The following COPG2 variants were observed in gnomAD, a reference collection of about 807,000 sequenced individuals.
The protein encoded by COPG2 is coatomer subunit gamma-2.
COPG2 carries 37 observed loss-of-function variants against 46.3 expected under a neutral mutation model. The ratio of observed to expected loss-of-function variants is 0.80; its 90% CI spans 0.61 to 1.05. The LOEUF (loss-of-function observed/expected upper bound fraction) is 1.05. Ranked by LOEUF, COPG2 falls within the 50% of genes least tolerant of loss-of-function variation. The pLI, the probability that COPG2 is intolerant of heterozygous loss-of-function variation, is 0.00. For synonymous variants in COPG2, 159 were observed against 129.7 expected, an observed-to-expected ratio of 1.23 and a Z score of -1.53; for missense variants, 427 against 387.8, an observed-to-expected ratio of 1.10 and a Z score of -0.85.
At chr7:130,606,542 T>C (rs1223089348) in intron 9 of COPG2, among the ~76,000 whole-genome samples, 1 of 152,204 alleles carries the variant, frequency 6.6e-6, no homozygotes, top group East Asian at 1.9e-4. Context: ...CTTAGTGAAT[T>C]TGTGCCCTGT....
At chr7:130,657,693 A>C (rs1795883703) in intron 4 of COPG2, among the ~76,000 whole-genome samples, 1 of 152,222 alleles carries the variant, frequency 6.6e-6, no homozygotes, top group African/African-American at 2.4e-5. Flanking sequence ...TAATAAGAAA[A>C]TAAACAATCC....
intron 5 of COPG2, among the ~76,000 whole-genome samples, chr7:130,636,877 T>C (rs959299771): frequency 1.1e-4 from 16 of 152,196 alleles, no homozygotes; most frequent in African/African-American, 3.4e-4. Context: ...TTCCTTTCCA[T>C]ATTTAGTGCT....
intron 9 of COPG2, among the ~76,000 whole-genome samples, chr7:130,585,049 T>C (rs1243830180): frequency 1.3e-5 from 2 of 151,894 alleles, no homozygotes; most frequent in South Asian, 4.2e-4. Flanking sequence ...AGGCATCACA[T>C]TACCTGATTT....
intron 4 of COPG2, among the ~76,000 whole-genome samples, chr7:130,661,435 C>A (rs1191707015): frequency 1.3e-5 from 2 of 152,334 alleles, no homozygotes; most frequent in East Asian, 3.9e-4. Context: ...GCCTAGTTTT[C>A]TAGTCTAATT....
intron 9 of COPG2, among the ~76,000 whole-genome samples, chr7:130,578,524 A>G (rs1240809376): frequency 1.4e-4 from 21 of 151,384 alleles, no homozygotes; most frequent in African/African-American, 4.3e-4. Context: ...CTGAGAGAAG[A>G]AGGCTTCAGA....
At chr7:130,566,198 T>C (rs1046468032) in intron 9 of COPG2, among the ~76,000 whole-genome samples, 83 of 152,290 alleles carry the variant, frequency 5.5e-4, no homozygotes, top group South Asian at 1.5e-3. Context: ...TGGTGTGAAA[T>C]TGTATCTCAT....
At chr7:130,574,675 C>T (rs1237103361) in intron 9 of COPG2, among the ~76,000 whole-genome samples, 1 of 152,030 alleles carries the variant, frequency 6.6e-6, no homozygotes, top group African/African-American at 2.4e-5. Context: ...CACTAGTTCA[C>T]CAGCAATGGA....
chr7:130,583,402 C>G (rs1290459047), intron 9 of COPG2, among the ~76,000 whole-genome samples: 1 of 144,194 alleles, frequency 6.9e-6, no homozygotes, highest in Non-Finnish European at 1.5e-5. Flanking sequence ...TGCTAGATGA[C>G]GAGTTAGTGG....
At chr7:130,527,459 TG>T (rs1355705901) in intron 20 of COPG2, among the ~76,000 whole-genome samples, 1 of 80,342 alleles carries the variant, frequency 1.2e-5, no homozygotes, top group Admixed American at 1.8e-4. Flanking sequence ...TTATCTGGGG[TG>T]GGGGGTGGGT....
Position 130,508,543 on chromosome 7 carries a change from C to T in COPG2, c.2247+19G>A, listed in dbSNP as rs1563031913. 1 of 763,232 alleles carries T rather than the reference C, an allele frequency of 1.3e-6. No homozygotes were observed. Among genetic ancestry groups the T allele is most frequent in the Non-Finnish European group, 2.4e-6 (1 of 409,902 alleles). 47.3% of individuals were successfully genotyped at this position (763,232 alleles called of 1,614,324 possible). ...GTTGTGAAGGTGTCAAAGAAAGTCT[C>T]TATGCTGGGAAGACTCACCACATAC... On this transcript the variant is annotated intron_variant, in intron 21 of 23. Coordinates refer to ENST00000425248, the MANE Select transcript of COPG2 (RefSeq NM_012133.6).
chr7:130,613,095 G>A (rs1224649199), intron 7 of COPG2, among the ~76,000 whole-genome samples: 5 of 152,162 alleles, frequency 3.3e-5, no homozygotes, highest in Non-Finnish European at 7.4e-5. Flanking sequence ...CCAGGGATTG[G>A]TTTTATGGAA....
chr7:130,516,156 C>G (rs1799676131), intron 20 of COPG2, among the ~76,000 whole-genome samples: 1 of 152,128 alleles, frequency 6.6e-6, no homozygotes, highest in African/African-American at 2.4e-5. Flanking sequence ...AAAATTGCTT[C>G]CAGACGAGAA....
chr7:130,646,998 T>TATATATATGC (rs1795619587), intron 5 of COPG2, among the ~76,000 whole-genome samples: 271 of 39,676 alleles, frequency 6.8e-3, no homozygotes, highest in Middle Eastern at 0.024. Context: ...TATATATATG[T>TATATATATGC]GTATATATAT....
intron 20 of COPG2, among the ~76,000 whole-genome samples, chr7:130,545,691 A>C (rs1400498863): frequency 1.3e-5 from 2 of 152,202 alleles, no homozygotes; most frequent in African/African-American, 4.8e-5. Flanking sequence ...AATTCCCTAA[A>C]TGCCAAACTT....
In COPG2 at chr7:130,587,368, C is replaced by T. The variant is rs554554853; in HGVS notation, c.738-22975G>A. On this transcript the variant is annotated intron_variant, in intron 9 of 23. Transcript: ENST00000425248. Reference sequence around the variant, plus strand: ...CAAGAAACTAACAGAAGGCTCTATTCTCTATAGTCCTAAAATGCTTTCCAA... The same window carrying T: ...CAAGAAACTAACAGAAGGCTCTATTTTCTATAGTCCTAAAATGCTTTCCAA... Among the ~76,000 whole-genome samples, 251 of 152,062 alleles carry T rather than the reference C, an allele frequency of 1.7e-3. 4 individuals carry two copies. Among genetic ancestry groups the T allele is most frequent in the Middle Eastern group, 3.4e-3 (1 of 292 alleles).
chr7:130,639,073 G>A (rs138216172), intron 5 of COPG2, among the ~76,000 whole-genome samples: 7 of 152,102 alleles, frequency 4.6e-5, no homozygotes, highest in Non-Finnish European at 1.0e-4. Flanking sequence ...TGTCTAACCA[G>A]TCCCAGTGAG....
chr7:130,509,109 C>T (rs909206064), intron 20 of COPG2: 21 of 448,238 alleles, frequency 4.7e-5, no homozygotes, highest in Non-Finnish European at 8.8e-5. Flanking sequence ...ATCAGCATCT[C>T]AATACTATCT....
chr7:130,612,780 G>A (rs1288898029), intron 7 of COPG2, among the ~76,000 whole-genome samples: 1 of 152,152 alleles, frequency 6.6e-6, no homozygotes, highest in Non-Finnish European at 1.5e-5. Flanking sequence ...ACCACTTCCT[G>A]GGAGGAAATT....
At chr7:130,526,412 T>C (rs1456779285) in intron 20 of COPG2, among the ~76,000 whole-genome samples, 16 of 152,066 alleles carry the variant, frequency 1.1e-4, no homozygotes, top group Admixed American at 2.6e-4. Flanking sequence ...GTACCTTCCC[T>C]TGGCCAAGGA....
Sources: allele counts gnomAD v4.1 joint callset (sites outside exome capture counted in the v4.1 genomes callset), GRCh38; gene constraint gnomAD v4.1.1; transcripts MANE v1.5; gene names NCBI Gene and HGNC (gene_info 2026-07-23, HGNC 2026-07-21).